ERBB4: variants seen among roughly 807,000 people sequenced by gnomAD.
The protein encoded by ERBB4 is erb-b2 receptor tyrosine kinase 4.
A neutral mutation model predicts 158.0 loss-of-function variants in ERBB4; 42 were observed. That is an observed-to-expected ratio of 0.27 (90% CI 0.21 to 0.34). ERBB4 has a LOEUF of 0.34. Ranked by LOEUF, ERBB4 falls within the 10% of genes least tolerant of loss-of-function variation. ERBB4 has a pLI of 1.00. For missense variants in ERBB4, 1,333 were observed against 1,624.1 expected (o/e 0.82, Z 3.08); for synonymous variants, 583 against 558.7 (o/e 1.04, Z -0.61).
chr2:212,227,913 C>T (rs1001372343), intron 1 of ERBB4, among the ~76,000 whole-genome samples: 15 of 152,062 alleles, frequency 9.9e-5, no homozygotes, highest in Non-Finnish European at 1.6e-4. Context: ...TACTGTGATG[C>T]GACAGCATGC....
intron 2 of ERBB4, among the ~76,000 whole-genome samples, chr2:212,097,094 C>A (rs2078953736): frequency 6.6e-6 from 1 of 152,092 alleles, no homozygotes; most frequent in African/African-American, 2.4e-5. Flanking sequence ...AGATAAGCTA[C>A]AGTACTACGC....
At chr2:212,359,281 T>C (rs1328457962) in intron 1 of ERBB4, among the ~76,000 whole-genome samples, 1 of 151,600 alleles carries the variant, frequency 6.6e-6, no homozygotes, top group Non-Finnish European at 1.5e-5. Flanking sequence ...TATATACATA[T>C]ATATATCCAT....
At chr2:211,976,609 A>G (rs1295567743) in intron 2 of ERBB4, among the ~76,000 whole-genome samples, 1 of 152,144 alleles carries the variant, frequency 6.6e-6, no homozygotes, top group East Asian at 1.9e-4. Flanking sequence ...ATCTGCTTCA[A>G]TGATATATAT....
chr2:212,238,946 G>C (rs1048398309), intron 1 of ERBB4, among the ~76,000 whole-genome samples: 2 of 152,140 alleles, frequency 1.3e-5, no homozygotes, highest in African/African-American at 4.8e-5. Flanking sequence ...AAGAATAATT[G>C]AAAGAAAACT....
At chr2:211,536,825 T>C (rs754204511) in intron 20 of ERBB4, among the ~76,000 whole-genome samples, 15 of 152,016 alleles carry the variant, frequency 9.9e-5, no homozygotes, top group Non-Finnish European at 1.8e-4. Context: ...CTATTAACTT[T>C]AACTGGAGCT....
At chr2:211,649,938 C>G (rs184233768) in intron 16 of ERBB4, among the ~76,000 whole-genome samples, 2 of 151,858 alleles carry the variant, frequency 1.3e-5, no homozygotes, top group African/African-American at 2.4e-5. Context: ...CTAATTAGCT[C>G]CTGCCTATAT....
At chr2:211,445,409 G>C (rs1019339181) in intron 20 of ERBB4, among the ~76,000 whole-genome samples, 2 of 152,086 alleles carry the variant, frequency 1.3e-5, no homozygotes, top group African/African-American at 4.8e-5. Context: ...AGATAACTCA[G>C]ATACTTTCTT....
chr2:212,367,766 G>A (rs1040611217), intron 1 of ERBB4, among the ~76,000 whole-genome samples: 19 of 151,942 alleles, frequency 1.3e-4, no homozygotes, highest in Admixed American at 1.2e-3. Flanking sequence ...ATCAAAAAGT[G>A]AGCTAAGGGC....
intron 2 of ERBB4, among the ~76,000 whole-genome samples, chr2:212,060,144 C>T (rs1225742912): frequency 6.6e-6 from 1 of 151,994 alleles, no homozygotes; most frequent in African/African-American, 2.4e-5. Flanking sequence ...AAAAAGTGGG[C>T]AAAGGATATG....
chr2:211,851,515 G>A (rs1044101589), intron 3 of ERBB4, among the ~76,000 whole-genome samples: 2 of 151,832 alleles, frequency 1.3e-5, no homozygotes, highest in African/African-American at 4.8e-5. Context: ...AAAAGCGCTG[G>A]CTTCTTGCTC....
In ERBB4 at chr2:211,744,612, C is replaced by T. The variant is rs576311435; in HGVS notation, c.622+6027G>A. Among the ~76,000 whole-genome samples, 35 of 152,290 alleles carry T rather than the reference C, an allele frequency of 2.3e-4. No individual in the cohort carries two copies. In the South Asian group the frequency reaches 4.1e-3, roughly 18 times the overall value. On this transcript the variant is annotated intron_variant, in intron 5 of 27. Transcript: ENST00000342788. ...CTTCATTTCACCCTAACAAGTCATT[C>T]ATTTTCATGAACTTGTTCTCCCAGA...
At chr2:212,288,931 G>A (rs1324266073) in intron 1 of ERBB4, among the ~76,000 whole-genome samples, 2 of 152,038 alleles carry the variant, frequency 1.3e-5, no homozygotes, top group East Asian at 3.9e-4. Context: ...TAAAAGAAAG[G>A]GAGGAAAGAG....
intron 2 of ERBB4, among the ~76,000 whole-genome samples, chr2:212,119,595 T>C (rs112895592): frequency 2.3e-4 from 35 of 152,322 alleles, no homozygotes; most frequent in African/African-American, 8.4e-4. Flanking sequence ...TTCTATTATA[T>C]GTCTTAACCT....
chr2:211,944,225 C>CA (rs200200333), intron 3 of ERBB4, among the ~76,000 whole-genome samples: 8,037 of 114,682 alleles, frequency 0.07, 782 homozygotes, highest in East Asian at 0.28. Context: ...CACACACACA[C>CA]AAAAAAAAAG....
At chr2:212,055,706 C>A (rs757042972) in intron 2 of ERBB4, among the ~76,000 whole-genome samples, 14 of 152,246 alleles carry the variant, frequency 9.2e-5, no homozygotes, top group Non-Finnish European at 1.6e-4. Flanking sequence ...AAAAGACCTG[C>A]AGCTGAGGGT....
intron 3 of ERBB4, among the ~76,000 whole-genome samples, chr2:211,834,391 G>C (rs2077290880): frequency 6.6e-6 from 1 of 151,868 alleles, no homozygotes; most frequent in Non-Finnish European, 1.5e-5. Flanking sequence ...AGCTGCAGCT[G>C]CTAACCAGAG....
intron 3 of ERBB4, among the ~76,000 whole-genome samples, chr2:211,811,493 C>T (rs551859070): frequency 3.3e-5 from 5 of 151,976 alleles, no homozygotes; most frequent in African/African-American, 9.6e-5. Flanking sequence ...TTATGTGTCT[C>T]GGGGTTGCTC....
At chr2:211,968,639 A>C (rs1185672458) in intron 2 of ERBB4, among the ~76,000 whole-genome samples, 1 of 152,050 alleles carries the variant, frequency 6.6e-6, no homozygotes, top group Non-Finnish European at 1.5e-5. Flanking sequence ...CATAAACTGA[A>C]AATGACCATT....
chr2:212,223,392 A>G (rs1440735398), intron 1 of ERBB4, among the ~76,000 whole-genome samples: 1 of 145,686 alleles, frequency 6.9e-6, no homozygotes, highest in Non-Finnish European at 1.5e-5. Context: ...CTATATTTAT[A>G]TCTTCATATA....
Sources: allele counts gnomAD v4.1 joint callset (sites outside exome capture counted in the v4.1 genomes callset), GRCh38; gene constraint gnomAD v4.1.1; transcripts MANE v1.5; gene names NCBI Gene and HGNC (gene_info 2026-07-23, HGNC 2026-07-21).